DNAJC25: variants seen among roughly 807,000 people sequenced by gnomAD.
DNAJC25 encodes the protein DnaJ heat shock protein family (Hsp40) member C25, also known as dnaJ homolog subfamily C member 25.
In DNAJC25, 26 loss-of-function variants were observed where a neutral mutation model predicts 42.1. That is an observed-to-expected ratio of 0.62 (90% CI 0.45 to 0.86). The LOEUF (loss-of-function observed/expected upper bound fraction) is 0.86, where lower values mean the gene tolerates loss of function less well. DNAJC25 is among the 40% of genes least tolerant of loss of function. DNAJC25 has a pLI of 0.00. For synonymous variants in DNAJC25, 189 were observed against 179.9 expected, an observed-to-expected ratio of 1.05 and a Z score of -0.40; for missense variants, 404 against 459.4, an observed-to-expected ratio of 0.88 and a Z score of 1.10.
chr9:111,643,908 A>G (rs1830526388), intron 1 of DNAJC25, among the ~76,000 whole-genome samples: 1 of 152,160 alleles, frequency 6.6e-6, no homozygotes, highest in African/African-American at 2.4e-5. Context: ...TAAACTTTGT[A>G]GGTTACTAAA....
intron 2 of DNAJC25, among the ~76,000 whole-genome samples, chr9:111,648,823 A>G (rs1163426227): frequency 2.0e-5 from 3 of 152,338 alleles, no homozygotes; most frequent in South Asian, 2.1e-4. Context: ...TGGAGGTACT[A>G]TGTGAGGAGC....
At chr9:111,646,682 C>G (rs1183661868) in intron 1 of DNAJC25, among the ~76,000 whole-genome samples, 2 of 152,062 alleles carry the variant, frequency 1.3e-5, no homozygotes, top group Admixed American at 6.6e-5. Context: ...ACTGGCTTCA[C>G]CTAGTTTTTG....
chr9:111,645,899 G>T (rs1386277842), intron 1 of DNAJC25, among the ~76,000 whole-genome samples: 1 of 152,054 alleles, frequency 6.6e-6, no homozygotes, highest in Non-Finnish European at 1.5e-5. Flanking sequence ...TGGGAAGCTG[G>T]GACTATAGGC....
chr9:111,652,651 C>T (rs1465824919), intron 3 of DNAJC25, among the ~76,000 whole-genome samples: 2 of 151,748 alleles, frequency 1.3e-5, no homozygotes, highest in Non-Finnish European at 2.9e-5. Flanking sequence ...AAGCAGTTCT[C>T]CTGCCTCAGC....
At position 111,632,272 on chromosome 9, in the gene DNAJC25, C is replaced by G. The variant is rs144333638; in HGVS notation, c.336+529C>G. Among the ~76,000 whole-genome samples, 61 of 151,976 alleles carry G rather than the reference C, an allele frequency of 4.0e-4. 3 individuals carry two copies. The East Asian group carries it at 0.011, about 27-fold the overall frequency. ...GATGTGAGTCTTTGCTGTGACACCCCTGTATGACCTTGGATAGTGACTTAT... is the reference window on the plus strand; with the variant it reads ...GATGTGAGTCTTTGCTGTGACACCCGTGTATGACCTTGGATAGTGACTTAT... On this transcript the variant is annotated intron_variant, in intron 1 of 3. Coordinates refer to ENST00000313525, the MANE Select transcript of DNAJC25 (RefSeq NM_001015882.3).
At chr9:111,632,664 A>C (rs936112984) in intron 1 of DNAJC25, among the ~76,000 whole-genome samples, 1 of 148,708 alleles carries the variant, frequency 6.7e-6, no homozygotes, top group African/African-American at 2.5e-5. Flanking sequence ...CAGCGATTGT[A>C]GTTGTAAAGT....
At chr9:111,645,195 A>G (rs1280952045) in intron 1 of DNAJC25, among the ~76,000 whole-genome samples, 1 of 152,168 alleles carries the variant, frequency 6.6e-6, no homozygotes, top group Non-Finnish European at 1.5e-5. Flanking sequence ...GAGGTAAGAA[A>G]TTGTTTGAAT....
intron 1 of DNAJC25, among the ~76,000 whole-genome samples, chr9:111,634,626 A>G (rs1263062657): frequency 1.3e-5 from 2 of 152,202 alleles, no homozygotes; most frequent in African/African-American, 4.8e-5. Flanking sequence ...GTTGATAATA[A>G]ATGCATCACC....
chr9:111,646,198 ATAGGTTTCCTG>A (rs576509101), intron 1 of DNAJC25, among the ~76,000 whole-genome samples: 93 of 152,360 alleles, frequency 6.1e-4, no homozygotes, highest in African/African-American at 2.1e-3. Flanking sequence ...GGAAAATGTA[ATAGGTTTCCTG>A]TGAGATAAAG....
intron 2 of DNAJC25, among the ~76,000 whole-genome samples, chr9:111,647,832 G>T (rs1015174867): frequency 2.6e-5 from 4 of 152,230 alleles, no homozygotes; most frequent in Non-Finnish European, 5.9e-5. Flanking sequence ...AGGCTGGAGT[G>T]CAGTGGCACA....
rs1312645895 is a variant in DNAJC25 at position 111,649,922 on chromosome 9, A to T, written c.959A>T (p.Glu320Val). 3.2e-6 allele frequency: 5 copies of T among 1,560,900 alleles called. No homozygotes were observed. Among genetic ancestry groups the T allele is most frequent in the African/African-American group, 1.4e-5 (1 of 72,730 alleles). ...KRELWIKENY[E>V]VYKQEQEEEL... ...GAGCTCTGGATCAAGGAGAATTATG[A>T]GGTGAGTAGTCACCCTGCTGTGATT... Residue 320 changes from glutamate to valine, a missense_variant and splice_region_variant, in exon 3 of 4, where the codon GAG becomes GTG. Coordinates refer to ENST00000313525, the MANE Select transcript of DNAJC25 (RefSeq NM_001015882.3).
intron 1 of DNAJC25, among the ~76,000 whole-genome samples, chr9:111,633,390 T>G (rs1830316848): frequency 6.6e-6 from 1 of 152,228 alleles, no homozygotes; most frequent in Non-Finnish European, 1.5e-5. Context: ...AAGATAGTGA[T>G]ATTTGGATTG....
chr9:111,631,764 G>A, intron 1 of DNAJC25, 21 bp downstream of exon 1: 1 of 1,498,710 alleles, frequency 6.7e-7, no homozygotes, highest in Non-Finnish European at 8.8e-7. Context: ...CGGGCGTGGA[G>A]GGGCTTCGAA....
chr9:111,647,116 A>G lies in DNAJC25; in HGVS notation c.346A>G (p.Thr116Ala). 1 of 1,613,508 alleles carries G rather than the reference A, an allele frequency of 6.2e-7. No individual in the cohort carries two copies. The highest frequency in any genetic ancestry group is 8.5e-7 in the Non-Finnish European group (1 of 1,179,760). ...TAYETLKDEE[T>A]RKDYDYMLDH... is the part of the protein sequence containing the mutation. ...TCTTGTCATTTTACAGGATGAAGAAACACGAAAAGATTATGATTACATGCT... is the reference window on the plus strand; with the variant it reads ...TCTTGTCATTTTACAGGATGAAGAAGCACGAAAAGATTATGATTACATGCT... The change falls in exon 2 of 4, where the codon ACA (threonine) becomes GCA (alanine). Residue 116 changes from threonine (T) to alanine (A), a missense_variant. Physicochemically the swap from Thr to Ala is moderately conservative, Grantham distance 58. Transcript: ENST00000313525.
Position 111,647,112 on chromosome 9 carries a change from A to G in DNAJC25, c.342A>G (p.Glu114=), listed in dbSNP as rs1470648277. The part of the protein sequence containing the change: ...VATAYETLKD[E]ETRKDYDYML... ...GATATCTTGTCATTTTACAGGATGAAGAAACACGAAAAGATTATGATTACA... is the reference window on the plus strand; with the variant it reads ...GATATCTTGTCATTTTACAGGATGAGGAAACACGAAAAGATTATGATTACA... Residue 114 remains glutamate (E), a synonymous_variant, in exon 2 of 4, where the codon GAA becomes GAG. Coordinates refer to ENST00000313525, the MANE Select transcript of DNAJC25 (RefSeq NM_001015882.3). The G allele has an allele frequency of 3.1e-6, 5 of 1,613,378 alleles. No individual in the cohort carries two copies. Among genetic ancestry groups the G allele is most frequent in the Non-Finnish European group, 4.2e-6 (5 of 1,179,692 alleles).
At chr9:111,642,827 C>T (rs1422172697) in intron 1 of DNAJC25, 2 of 470,646 alleles carry the variant, frequency 4.2e-6, no homozygotes, top group Non-Finnish European at 8.8e-6. Flanking sequence ...CTCTTGTTCA[C>T]TTTTGATCTA....
In DNAJC25 at chr9:111,649,919, A is replaced by G; in HGVS notation, c.956A>G (p.Tyr319Cys). 6.4e-7 allele frequency: 1 copy of G among 1,568,292 alleles called. No individual in the cohort carries two copies. The highest frequency in any genetic ancestry group is 2.2e-5 in the East Asian group (1 of 44,686). The change falls in exon 3 of 4, where the codon TAT (tyrosine) becomes TGT (cysteine). Residue 319 changes from tyrosine (Y) to cysteine (C), a missense_variant. Physicochemically the swap from Tyr to Cys is radical, Grantham distance 194. Transcript: ENST00000313525. ...CGAGAGCTCTGGATCAAGGAGAATT[A>G]TGAGGTGAGTAGTCACCCTGCTGTG... ...LKRELWIKEN[Y>C]EVYKQEQEEE... is the part of the protein sequence containing the mutation.
chr9:111,652,743 C>T (rs112645542), intron 3 of DNAJC25, among the ~76,000 whole-genome samples: 149 of 151,612 alleles, frequency 9.8e-4, no homozygotes, highest in African/African-American at 3.3e-3. Flanking sequence ...ACGGGGGTTT[C>T]ACCATGTTGG....
chr9:111,645,251 CA>C, intron 1 of DNAJC25, among the ~76,000 whole-genome samples: 1 of 141,758 alleles, frequency 7.1e-6, no homozygotes, highest in East Asian at 2.3e-4. Context: ...CACACAGATT[CA>C]AAATTTTTTT....
Sources: gnomAD v4.1 joint callset for allele counts (sites outside exome capture counted in the v4.1 genomes callset) on GRCh38, gnomAD v4.1.1 for gene constraint, MANE v1.5 for transcripts, NCBI Gene and HGNC (gene_info 2026-07-23, HGNC 2026-07-21) for gene names.